The following ADGRG6 variants were observed in gnomAD, a reference collection of about 807,000 sequenced individuals.
ADGRG6 encodes adhesion G protein-coupled receptor G6, also known as G-protein coupled receptor 126.
Under a neutral mutation model 142.4 loss-of-function variants are expected in ADGRG6, and 84 were observed. The ratio of observed to expected loss-of-function variants is 0.59; its 90% confidence interval spans 0.49 to 0.71. The LOEUF (loss-of-function observed/expected upper bound fraction) is 0.71. Ranked by LOEUF, ADGRG6 falls within the 30% of genes least tolerant of loss-of-function variation. The pLI is 0.00. For missense variants in ADGRG6, 1,367 were observed against 1,466.6 expected (o/e 0.93, Z 1.11); for synonymous variants, 521 against 520.5 (o/e 1.00, Z -0.01).
chr6:142,409,478 A>G (rs1437298212), intron 16 of ADGRG6, among the ~76,000 whole-genome samples: 1 of 152,166 alleles, frequency 6.6e-6, no homozygotes, highest in Non-Finnish European at 1.5e-5. Context: ...GCATGAGTCT[A>G]CAGATATCTT....
At chr6:142,431,674 C>T (rs1777213093) in intron 22 of ADGRG6, among the ~76,000 whole-genome samples, 2 of 152,144 alleles carry the variant, frequency 1.3e-5, no homozygotes, top group East Asian at 1.9e-4. Context: ...CATGTAATCC[C>T]AGCACTTTGG....
At chr6:142,370,149 T>G (rs1363449670) in intron 3 of ADGRG6, 21 bp from the exon 4 acceptor site, 1 of 1,571,814 alleles carries the variant, frequency 6.4e-7, no homozygotes, top group Admixed American at 1.8e-5. Flanking sequence ...GGTTTATCTT[T>G]CTTGTTATGT....
rs1349254596 is a variant in ADGRG6, at chr6:142,367,915, G to C, written c.445+5G>C. The C allele has an allele frequency of 3.2e-6, 5 of 1,554,256 alleles. No homozygotes were observed. Among genetic ancestry groups the C allele is most frequent in the Non-Finnish European group, 4.4e-6 (5 of 1,137,470 alleles). Reference sequence around the variant, plus strand: ...TCAATGCCAGCTACATCAGAGGTATGTAAACCAAAGGCAACGCCAACCTTC... The same window carrying C: ...TCAATGCCAGCTACATCAGAGGTATCTAAACCAAAGGCAACGCCAACCTTC... On this transcript the variant is annotated splice_donor_5th_base_variant and intron_variant, in intron 3 of 24. Transcript: ENST00000367609.
intron 21 of ADGRG6, among the ~76,000 whole-genome samples, chr6:142,418,887 C>A (rs761714462): frequency 2.1e-4 from 32 of 152,054 alleles, no homozygotes; most frequent in Non-Finnish European, 4.1e-4. Flanking sequence ...ACTAGGACAT[C>A]TACAAATTAT....
chr6:142,324,791 G>T (rs935033541), intron 2 of ADGRG6, among the ~76,000 whole-genome samples: 1 of 151,930 alleles, frequency 6.6e-6, no homozygotes, highest in African/African-American at 2.4e-5. Context: ...TTATTAATAT[G>T]TTTCTATTTT....
At chr6:142,383,491 A>C (rs1418904190) in intron 5 of ADGRG6, among the ~76,000 whole-genome samples, 3 of 152,146 alleles carry the variant, frequency 2.0e-5, no homozygotes, top group Admixed American at 6.5e-5. Context: ...TAGGTCTAGA[A>C]TCTAGAATCA....
At chr6:142,324,511 C>G (rs935250741) in intron 2 of ADGRG6, among the ~76,000 whole-genome samples, 10 of 152,138 alleles carry the variant, frequency 6.6e-5, no homozygotes, top group African/African-American at 2.4e-4. Context: ...GTCATTGCTG[C>G]CTAATAAAGT....
At chr6:142,404,666 T>A (rs9484635) in intron 14 of ADGRG6, among the ~76,000 whole-genome samples, 2,078 of 151,922 alleles carry the variant, frequency 0.014, 57 homozygotes, top group African/African-American at 0.047. Flanking sequence ...AAAAAAATAA[T>A]CTTCTGGAGG....
At chr6:142,331,676 T>C (rs888647073) in intron 2 of ADGRG6, among the ~76,000 whole-genome samples, 2 of 152,200 alleles carry the variant, frequency 1.3e-5, no homozygotes, top group African/African-American at 4.8e-5. Context: ...CTGTTGGCAG[T>C]GTTAATGGAA....
intron 9 of ADGRG6, among the ~76,000 whole-genome samples, chr6:142,394,828 C>A (rs759488955): frequency 1.3e-4 from 19 of 150,654 alleles, no homozygotes; most frequent in Admixed American, 2.7e-4. Context: ...CTCAAGTAAA[C>A]CTCCTGTCTC....
chr6:142,318,999 G>C (rs1778389103), intron 2 of ADGRG6, among the ~76,000 whole-genome samples: 1 of 152,114 alleles, frequency 6.6e-6, no homozygotes, highest in Non-Finnish European at 1.5e-5. Context: ...GATGAATGCT[G>C]AAGGGCACAG....
intron 16 of ADGRG6, 136 bp downstream of exon 16, chr6:142,408,405 C>T: frequency 1.8e-6 from 1 of 566,024 alleles, no homozygotes; most frequent in African/African-American, 1.9e-5. Context: ...AAAGAGAGAA[C>T]AACTGATCAG....
At position 142,392,981 on chromosome 6, in the gene ADGRG6, GT is replaced by G; in HGVS notation, c.1345del (p.Tyr449MetfsTer9). On this transcript the variant is annotated frameshift_variant, in exon 8 of 25. Coordinates refer to ENST00000367609, the MANE Select transcript of ADGRG6 (RefSeq NM_198569.3). LOFTEE classifies it high-confidence loss of function. ...NSTFQNWNYT[V>X]YVVNISFHLS... ...AACCTTCCAAAATTGGAACTACACG[GT>G]TTATGTCGTTAATATCAGGTAAGAC... The G allele has an allele frequency of 6.3e-7, 1 of 1,575,368 alleles. No individual in the cohort carries two copies. The highest frequency in any genetic ancestry group is 8.7e-7 in the Non-Finnish European group (1 of 1,145,512).
At position 142,411,174 on chromosome 6, in the gene ADGRG6, T is replaced by G. The variant is rs144949834; in HGVS notation, c.2435-131T>G. On this transcript the variant is annotated intron_variant, in intron 17 of 24. Transcript: ENST00000367609. Reference sequence around the variant, plus strand: ...TTCTAAGCATTGAAAACTTTCATAATGGTATCCATTTTACAGATAAACTCT... The same window carrying G: ...TTCTAAGCATTGAAAACTTTCATAAGGGTATCCATTTTACAGATAAACTCT... 3,082 of 580,718 alleles carry G rather than the reference T, an allele frequency of 5.3e-3. 70 individuals are homozygous for G. Among genetic ancestry groups the G allele is most frequent in the African/African-American group, 0.048 (2,613 of 54,266 alleles). The allele number at this position is 580,718 out of a possible 1,614,324, so 36.0% of individuals were successfully genotyped here. A position where few individuals can be genotyped will look rare whatever the true frequency, so the allele number is the denominator to read the frequency against.
chr6:142,405,693 T>A lies in ADGRG6; in HGVS notation c.2133T>A (p.Asp711Glu). Reference protein sequence around the residue: ...PSNNESYFQMDFESGQVDPLA... With the variant: ...PSNNESYFQMEFESGQVDPLA... ...TATCTGTGTGTGTGTGACAGATGGA[T>A]TTTGAGAGTGGACAAGTGGATCCAC... is the stretch of plus-strand genomic sequence containing the variant. Residue 711 changes from aspartate to glutamate, a missense_variant, in exon 15 of 25, where the codon GAT (aspartate) becomes GAA (glutamate). Transcript: ENST00000367609. 1 of 1,607,770 alleles carries A rather than the reference T, an allele frequency of 6.2e-7. No individual in the cohort carries two copies. The highest frequency in any genetic ancestry group is 1.7e-5 in the Admixed American group (1 of 59,772).
intron 13 of ADGRG6, among the ~76,000 whole-genome samples, 187 bp from the exon 14 acceptor site, chr6:142,403,615 C>T (rs1024661153): frequency 1.2e-4 from 19 of 152,112 alleles, no homozygotes; most frequent in African/African-American, 4.3e-4. Flanking sequence ...ATTTATCCAT[C>T]CCTGTGATTC....
intron 4 of ADGRG6, 123 bp from the exon 5 acceptor site, chr6:142,381,828 G>T: frequency 1.9e-6 from 1 of 534,730 alleles, no homozygotes. Flanking sequence ...AGACTTTCTT[G>T]ATATCAAAGA....
intron 18 of ADGRG6, among the ~76,000 whole-genome samples, chr6:142,411,619 C>G (rs951546393): frequency 2.0e-5 from 3 of 152,110 alleles, no homozygotes; most frequent in Non-Finnish European, 4.4e-5. Context: ...AAAGAACTTT[C>G]TCCCTTTTTT....
intron 16 of ADGRG6, among the ~76,000 whole-genome samples, chr6:142,409,184 T>C (rs1236573908): frequency 6.6e-6 from 1 of 152,104 alleles, no homozygotes; most frequent in Non-Finnish European, 1.5e-5. Context: ...CTCCTTTCAA[T>C]AGCACCTGGC....
Sources: allele counts gnomAD v4.1 joint callset (sites outside exome capture counted in the v4.1 genomes callset), GRCh38; gene constraint gnomAD v4.1.1; transcripts MANE v1.5; gene names NCBI Gene and HGNC (gene_info 2026-07-23, HGNC 2026-07-21).